The following SLC24A3 variants were observed in gnomAD, a reference collection of about 807,000 sequenced individuals.
SLC24A3 encodes solute carrier family 24 member 3, also known as sodium/potassium/calcium exchanger 3.
In SLC24A3, 28 loss-of-function variants were observed where a neutral mutation model predicts 75.8. That is an observed-to-expected ratio of 0.37 (90% CI 0.27 to 0.51). The LOEUF (loss-of-function observed/expected upper bound fraction) is 0.51, where lower values mean the gene tolerates loss of function less well. Ranked by LOEUF, SLC24A3 falls within the 20% of genes least tolerant of loss-of-function variation. The pLI, the probability that SLC24A3 is intolerant of heterozygous loss-of-function variation, is 0.94. For missense variants in SLC24A3, 663 were observed against 847.8 expected (o/e 0.78, Z 2.71); for synonymous variants, 372 against 334.1 (o/e 1.11, Z -1.24).
chr20:19,691,598 GGAAGCCAGGTTGTCAGCCAGGCCTTGGT>G (rs1416196644), intron 12 of SLC24A3, among the ~76,000 whole-genome samples: 9 of 152,144 alleles, frequency 5.9e-5, no homozygotes, highest in Admixed American at 6.5e-5. Context: ...AGTCCCCGTA[GGAAGCCAGGTTGTCAGCCAGGCCTTGGT>G]GAACCTGGCC....
chr20:19,263,056 T>TGTGTGC (rs1316347673), intron 1 of SLC24A3, among the ~76,000 whole-genome samples: 1 of 151,622 alleles, frequency 6.6e-6, no homozygotes, highest in African/African-American at 2.4e-5. Context: ...TGTGTGTGTG[T>TGTGTGC]GTGTGTGTGT....
At chr20:19,488,666 T>C (rs1988162710) in intron 2 of SLC24A3, among the ~76,000 whole-genome samples, 2 of 152,226 alleles carry the variant, frequency 1.3e-5, no homozygotes, top group African/African-American at 4.8e-5. Context: ...TTATCTGAAA[T>C]ACGCAGGACC....
intron 2 of SLC24A3, among the ~76,000 whole-genome samples, chr20:19,440,739 A>G (rs751497046): frequency 6.6e-6 from 1 of 151,568 alleles, no homozygotes; most frequent in Admixed American, 6.6e-5. Flanking sequence ...TCCAGCTCCA[A>G]GGAAGTGTGT....
chr20:19,553,918 A>C (rs2030743253), intron 3 of SLC24A3, among the ~76,000 whole-genome samples: 1 of 152,220 alleles, frequency 6.6e-6, no homozygotes. Flanking sequence ...AGACAATCTG[A>C]GAACAGCAGG....
At chr20:19,482,582 C>A (rs1988072591) in intron 2 of SLC24A3, among the ~76,000 whole-genome samples, 1 of 152,214 alleles carries the variant, frequency 6.6e-6, no homozygotes, top group Non-Finnish European at 1.5e-5. Flanking sequence ...CCCCAGTGTC[C>A]AGCCATTGGC....
chr20:19,499,724 A>G lies in SLC24A3; in HGVS notation c.272-15764A>G, dbSNP rs182032496. Among the ~76,000 whole-genome samples the G allele has an allele frequency of 4.6e-5, 7 of 152,346 alleles. No individual in the cohort carries two copies. The East Asian group carries it at 1.3e-3, about 29-fold the overall frequency. ...GGGAGTAGGGTATTCAGTCCATTACACACATACACCTAGATACTTGCGTAT... is the reference window on the plus strand; with the variant it reads ...GGGAGTAGGGTATTCAGTCCATTACGCACATACACCTAGATACTTGCGTAT... On this transcript the variant is annotated intron_variant, in intron 2 of 16. Coordinates refer to ENST00000328041, the MANE Select transcript of SLC24A3 (RefSeq NM_020689.4).
At chr20:19,261,852 A>G (rs910566672) in intron 1 of SLC24A3, 2 of 152,220 alleles carry the variant, frequency 1.3e-5, no homozygotes. Flanking sequence ...TTAATCTGAC[A>G]TATAAGTCAT....
At chr20:19,466,769 C>T (rs923722175) in intron 2 of SLC24A3, among the ~76,000 whole-genome samples, 1 of 150,918 alleles carries the variant, frequency 6.6e-6, no homozygotes, top group African/African-American at 2.5e-5. Context: ...TTTAAAGCAC[C>T]TCTCGTCTTT....
intron 2 of SLC24A3, among the ~76,000 whole-genome samples, chr20:19,414,331 G>A (rs971570733): frequency 3.9e-5 from 6 of 152,102 alleles, no homozygotes; most frequent in African/African-American, 1.4e-4. Context: ...AGAAATATGG[G>A]AACTCACTTA....
intron 2 of SLC24A3, among the ~76,000 whole-genome samples, chr20:19,334,838 G>C (rs1400034407): frequency 6.6e-6 from 1 of 152,164 alleles, no homozygotes. Context: ...AGGGGTGTTT[G>C]TTGGCACTGC....
Position 19,534,434 on chromosome 20 carries a change from G to A in SLC24A3, c.348+18870G>A, listed in dbSNP as rs547360283. On this transcript the variant is annotated intron_variant, in intron 3 of 16. Coordinates refer to ENST00000328041, the MANE Select transcript of SLC24A3 (RefSeq NM_020689.4). ...TTTTTGTTTTGTTTTGTTTTGTGAC[G>A]GAGTCTCGCTCTGTCACCCAGGCTG... Among the ~76,000 whole-genome samples, 342 of 152,302 alleles carry A rather than the reference G, an allele frequency of 2.2e-3. 3 individuals carry two copies. The highest frequency in any genetic ancestry group is 7.6e-3 in the African/African-American group (314 of 41,556).
chr20:19,580,128 G>A, intron 4 of SLC24A3, 54 bp downstream of exon 4: 1 of 1,486,862 alleles, frequency 6.7e-7, no homozygotes, highest in South Asian at 1.1e-5. Context: ...CTGGACCTGT[G>A]CCCTGTACTG....
At position 19,515,570 on chromosome 20, in the gene SLC24A3, T is replaced by C; in HGVS notation, c.348+6T>C. 1 of 1,614,064 alleles carries C rather than the reference T, an allele frequency of 6.2e-7. No homozygotes were observed. Among genetic ancestry groups the C allele is most frequent in the Non-Finnish European group, 8.5e-7 (1 of 1,179,902 alleles). The stretch of plus-strand genomic sequence containing the variant: ...TGGTCCTCCATGTGCTCTGTGTAAG[T>C]ACCCCTCTGTGCCTCTGCCTGGAGG... On this transcript the variant is annotated splice_donor_region_variant and intron_variant, in intron 3 of 16. Transcript: ENST00000328041.
intron 2 of SLC24A3, among the ~76,000 whole-genome samples, chr20:19,382,836 G>C (rs1326287866): frequency 6.6e-6 from 1 of 152,118 alleles, no homozygotes; most frequent in Non-Finnish European, 1.5e-5. Flanking sequence ...ATAGATGATG[G>C]GGCTGCAGTG....
At chr20:19,240,625 G>A (rs1460612664) in intron 1 of SLC24A3, among the ~76,000 whole-genome samples, 4 of 152,202 alleles carry the variant, frequency 2.6e-5, no homozygotes, top group Admixed American at 2.6e-4. Flanking sequence ...TCTCTGGTTA[G>A]TGAGCCTGAT....
chr20:19,612,036 G>A (rs918705845), intron 6 of SLC24A3, among the ~76,000 whole-genome samples: 7 of 152,048 alleles, frequency 4.6e-5, no homozygotes, highest in South Asian at 2.1e-4. Flanking sequence ...CTCCACACTC[G>A]CTTTCAGGCT....
chr20:19,562,733 G>A (rs1480354802), intron 3 of SLC24A3, among the ~76,000 whole-genome samples: 1 of 152,120 alleles, frequency 6.6e-6, no homozygotes. Flanking sequence ...CTCAGATTGG[G>A]CCCCTAACCC....
chr20:19,572,611 C>G (rs142582569), intron 3 of SLC24A3, among the ~76,000 whole-genome samples: 143 of 152,242 alleles, frequency 9.4e-4, no homozygotes, highest in African/African-American at 3.3e-3. Flanking sequence ...GTCAACGGAG[C>G]TCTCTAAATT....
intron 3 of SLC24A3, among the ~76,000 whole-genome samples, chr20:19,575,893 A>G (rs1285444313): frequency 6.6e-6 from 1 of 152,242 alleles, no homozygotes; most frequent in Admixed American, 6.5e-5. Context: ...AAGACAGCTC[A>G]CTAGTAGATG....
Sources: allele counts gnomAD v4.1 joint callset (sites outside exome capture counted in the v4.1 genomes callset), GRCh38; gene constraint gnomAD v4.1.1; transcripts MANE v1.5; gene names NCBI Gene and HGNC (gene_info 2026-07-23, HGNC 2026-07-21).